The following PEBP4 variants were observed in gnomAD, a reference collection of about 807,000 sequenced individuals.
PEBP4 encodes the protein phosphatidylethanolamine-binding protein 4.
Under a neutral mutation model 23.9 loss-of-function variants are expected in PEBP4, and 22 were observed. The ratio of observed to expected loss-of-function variants is 0.92; its 90% confidence interval spans 0.66 to 1.31. The LOEUF (loss-of-function observed/expected upper bound fraction) is 1.31. Among genes scored for constraint, PEBP4 ranks in the 40% most tolerant of loss-of-function variants. The pLI is 0.00. For missense variants in PEBP4, 324 were observed against 281.7 expected, an observed-to-expected ratio of 1.15 and a Z score of -1.07; for synonymous variants, 112 against 99.3, an observed-to-expected ratio of 1.13 and a Z score of -0.76.
At chr8:22,845,405 T>C (rs1315061736) in intron 3 of PEBP4, among the ~76,000 whole-genome samples, 2 of 148,934 alleles carry the variant, frequency 1.3e-5, no homozygotes, top group Admixed American at 1.3e-4. Flanking sequence ...TGTGGTGGTG[T>C]GTGCCTATAG....
rs547269095 is a variant in PEBP4 at position 22,755,326 on chromosome 8, C to CTT, written c.358-28108_358-28107dup. Among the ~76,000 whole-genome samples the CTT allele has an allele frequency of 7.8e-4, 89 of 114,610 alleles. 2 individuals carry two copies. The highest frequency in any genetic ancestry group is 9.3e-4 in the Admixed American group (10 of 10,792). 75.2% of individuals were successfully genotyped at this position (114,610 alleles called of 152,430 possible). A position where few individuals can be genotyped will look rare whatever the true frequency, so the allele number is the denominator to read the frequency against. ...AAATCGTATACTCATTTCTCTCCCT[C>CTT]TTTTTTTTTTTTTTTTTTTTTTTTT... On this transcript the variant is annotated intron_variant, in intron 4 of 6. Coordinates refer to ENST00000256404, the MANE Select transcript of PEBP4 (RefSeq NM_144962.3).
At chr8:22,861,469 C>T (rs1807777216) in intron 3 of PEBP4, among the ~76,000 whole-genome samples, 1 of 152,190 alleles carries the variant, frequency 6.6e-6, no homozygotes, top group Non-Finnish European at 1.5e-5. Flanking sequence ...ACACACCTTA[C>T]CCGCTGAATA....
rs1489921918 is a variant in PEBP4 at position 22,919,574 on chromosome 8, T to C, written c.258+610A>G. 3.3e-5 allele frequency among the ~76,000 whole-genome samples: 5 copies of C among 152,190 alleles called. No individual in the cohort carries two copies. In the East Asian group the frequency reaches 9.6e-4, roughly 29 times the overall value. Reference sequence around the variant, plus strand: ...AGGCTTTCCAGACCCCTAAATGTAATAGCACTAATCACTGCCCAGTAAAAT... The same window carrying C: ...AGGCTTTCCAGACCCCTAAATGTAACAGCACTAATCACTGCCCAGTAAAAT... On this transcript the variant is annotated intron_variant, in intron 3 of 6. Transcript: ENST00000256404.
intron 3 of PEBP4, among the ~76,000 whole-genome samples, chr8:22,889,994 C>A (rs1050721644): frequency 6.6e-6 from 1 of 152,178 alleles, no homozygotes; most frequent in African/African-American, 2.4e-5. Context: ...GGTCTCTGAG[C>A]AAGCCGCTGA....
intron 4 of PEBP4, among the ~76,000 whole-genome samples, chr8:22,809,819 A>C (rs1367416742): frequency 6.6e-6 from 1 of 152,186 alleles, no homozygotes; most frequent in East Asian, 1.9e-4. Flanking sequence ...GATATGAGCT[A>C]CAGGAAGAGT....
At chr8:22,862,784 G>C (rs998993052) in intron 3 of PEBP4, among the ~76,000 whole-genome samples, 1 of 150,230 alleles carries the variant, frequency 6.7e-6, no homozygotes, top group African/African-American at 2.4e-5. Flanking sequence ...CCAGACCAGG[G>C]CCCACCCTCA....
At chr8:22,782,820 G>A (rs1342608609) in intron 4 of PEBP4, among the ~76,000 whole-genome samples, 1 of 152,224 alleles carries the variant, frequency 6.6e-6, no homozygotes, top group African/African-American at 2.4e-5. Flanking sequence ...TATCCTGAGA[G>A]TGACAGCCCA....
intron 4 of PEBP4, among the ~76,000 whole-genome samples, chr8:22,781,302 A>G (rs1805909632): frequency 6.9e-6 from 1 of 144,642 alleles, no homozygotes; most frequent in South Asian, 2.3e-4. Context: ...GGAGAGCCGG[A>G]GGGGGAAGGG....
chr8:22,752,160 T>C (rs1205437428), intron 4 of PEBP4, among the ~76,000 whole-genome samples: 2 of 152,148 alleles, frequency 1.3e-5, no homozygotes, highest in African/African-American at 4.8e-5. Flanking sequence ...CCTCCCACCT[T>C]GGCCTCCCAA....
intron 3 of PEBP4, among the ~76,000 whole-genome samples, chr8:22,826,044 A>G (rs888730276): frequency 1.3e-5 from 2 of 152,054 alleles, no homozygotes; most frequent in African/African-American, 4.8e-5. Context: ...TGGTGGGGGG[A>G]CATGGGGAGT....
chr8:22,920,998 A>C (rs187814512), intron 2 of PEBP4, among the ~76,000 whole-genome samples: 30 of 152,378 alleles, frequency 2.0e-4, no homozygotes, highest in African/African-American at 6.7e-4. Context: ...GAACAGCACC[A>C]GGGTTCTAAG....
At chr8:22,834,582 G>A (rs1281306972) in intron 3 of PEBP4, among the ~76,000 whole-genome samples, 1 of 152,200 alleles carries the variant, frequency 6.6e-6, no homozygotes, top group Non-Finnish European at 1.5e-5. Context: ...TATTCTAGAA[G>A]CTGGGAAGCT....
chr8:22,782,676 T>C (rs1320270118), intron 4 of PEBP4, among the ~76,000 whole-genome samples: 2 of 152,250 alleles, frequency 1.3e-5, no homozygotes, highest in Non-Finnish European at 2.9e-5. Flanking sequence ...TGTATACCTC[T>C]GTATATGTTT....
intron 3 of PEBP4, among the ~76,000 whole-genome samples, chr8:22,838,116 G>A (rs927382517): frequency 2.6e-4 from 39 of 151,904 alleles, no homozygotes; most frequent in African/African-American, 9.0e-4. Context: ...GTCCAGGCTG[G>A]TCTGAAACTC....
In PEBP4 at chr8:22,920,258, G is replaced by C; in HGVS notation, c.184C>G (p.Pro62Ala). 2 of 1,613,812 alleles carry C rather than the reference G, an allele frequency of 1.2e-6. No homozygotes were observed. Among genetic ancestry groups the C allele is most frequent in the Non-Finnish European group, 1.7e-6 (2 of 1,179,830 alleles). Reference protein sequence around the residue: ...ELGNIGCKVVPDCNNYRQKIT... With the variant: ...ELGNIGCKVVADCNNYRQKIT... ...TTCTGTCTGTAGTTGTTACAATCAGGAACAACCTTGCAGCCAATGTTCCCC... is the reference window on the plus strand; with the variant it reads ...TTCTGTCTGTAGTTGTTACAATCAGCAACAACCTTGCAGCCAATGTTCCCC... The change falls in exon 3 of 7, where the codon CCT becomes GCT. Residue 62 changes from proline (P) to alanine (A), a missense_variant. Pro to Ala is a conservative substitution (Grantham distance 27). Coordinates refer to ENST00000256404, the MANE Select transcript of PEBP4 (RefSeq NM_144962.3).
At chr8:22,822,358 T>A (rs1806878141) in intron 3 of PEBP4, among the ~76,000 whole-genome samples, 1 of 151,354 alleles carries the variant, frequency 6.6e-6, no homozygotes, top group African/African-American at 2.4e-5. Context: ...TACTAAAGTG[T>A]GTGTGTGTGT....
chr8:22,927,144 C>T (rs1290597182), intron 2 of PEBP4, among the ~76,000 whole-genome samples: 2 of 152,212 alleles, frequency 1.3e-5, no homozygotes, highest in African/African-American at 2.4e-5. Context: ...GGTCCTATCA[C>T]TGACAAAAAC....
At chr8:22,778,260 C>T (rs1433017991) in intron 4 of PEBP4, among the ~76,000 whole-genome samples, 3 of 152,108 alleles carry the variant, frequency 2.0e-5, no homozygotes, top group Non-Finnish European at 4.4e-5. Flanking sequence ...TCCTCCCAGA[C>T]CCAAAGTCCC....
chr8:22,862,069 T>C (rs1720284039), intron 3 of PEBP4, among the ~76,000 whole-genome samples: 2 of 152,032 alleles, frequency 1.3e-5, no homozygotes, highest in South Asian at 4.2e-4. Context: ...GGAGTATTGA[T>C]GGGGAGAAGA....
Sources: allele counts gnomAD v4.1 joint callset (sites outside exome capture counted in the v4.1 genomes callset), GRCh38; gene constraint gnomAD v4.1.1; transcripts MANE v1.5; gene names NCBI Gene and HGNC (gene_info 2026-07-23, HGNC 2026-07-21).